The following CCSER2 variants were observed in gnomAD, a reference collection of about 807,000 sequenced individuals.
CCSER2 encodes coiled-coil serine rich protein 2, also known as serine-rich coiled-coil domain-containing protein 2.
CCSER2 carries 46 observed loss-of-function variants against 92.3 expected under a neutral mutation model. That is an observed-to-expected ratio of 0.50 (90% CI 0.39 to 0.64). CCSER2 has a LOEUF of 0.64. Among genes scored for constraint, CCSER2 ranks in the 30% least tolerant of loss-of-function variants. The pLI, the probability that CCSER2 is intolerant of heterozygous loss-of-function variation, is 0.00. For synonymous variants in CCSER2, 433 were observed against 431.4 expected (o/e 1.00, Z -0.04); for missense variants, 1,244 against 1,238.9 (o/e 1.00, Z -0.06).
In CCSER2 at chr10:84,483,175, C is replaced by T. The variant is rs59281215; in HGVS notation, c.2325+5511C>T. On this transcript the variant is annotated intron_variant, in intron 9 of 9. Transcript: ENST00000372088. ...TGGGAGGCTGAGGCGGGTGGATCAC[C>T]GGAGGCTGGGAGTTTGAGACCAGCC... 8.0e-4 allele frequency among the ~76,000 whole-genome samples: 121 copies of T among 151,938 alleles called. 1 individual carries two copies. The highest frequency in any genetic ancestry group is 2.8e-3 in the African/African-American group (116 of 41,458).
At chr10:84,387,081 T>TA (rs1841254217) in intron 3 of CCSER2, among the ~76,000 whole-genome samples, 1 of 151,582 alleles carries the variant, frequency 6.6e-6, no homozygotes, top group Non-Finnish European at 1.5e-5. Context: ...GAATCTAAAA[T>TA]CAAAAAAAAA....
chr10:84,486,764 T>A (rs1034742890), intron 9 of CCSER2, among the ~76,000 whole-genome samples: 15 of 152,174 alleles, frequency 9.9e-5, no homozygotes, highest in African/African-American at 3.1e-4. Context: ...CCCATTTGTC[T>A]ATTTTAGCTT....
rs1473971632 is a variant in CCSER2 at position 84,485,760 on chromosome 10, ATTAT to A, written c.2325+8100_2325+8103del. On this transcript the variant is annotated intron_variant, in intron 9 of 9. Transcript: ENST00000372088. ...ACTACATGCTTTTTTAATTATTATT[ATTAT>A]TTAAGTTCTAGGATACATGTGCACA... Among the ~76,000 whole-genome samples, 5 of 152,234 alleles carry A rather than the reference ATTAT, an allele frequency of 3.3e-5. No individual in the cohort carries two copies. In the East Asian group the frequency reaches 7.7e-4, roughly 24 times the overall value.
In CCSER2 at chr10:84,443,470, G is replaced by A. The variant is rs943127942; in HGVS notation, c.2064+4763G>A. ...ACCATCTCATGCCAGTTAAAATGGCGATCATTAAAAGTCAGGAGACAACAG... is the reference window on the plus strand; with the variant it reads ...ACCATCTCATGCCAGTTAAAATGGCAATCATTAAAAGTCAGGAGACAACAG... On this transcript the variant is annotated intron_variant, in intron 6 of 9. Coordinates refer to ENST00000372088, the MANE Select transcript of CCSER2 (RefSeq NM_001284240.2). Among the ~76,000 whole-genome samples the A allele has an allele frequency of 4.6e-5, 7 of 152,256 alleles. 1 individual carries two copies. In the South Asian group the frequency reaches 8.3e-4, roughly 18 times the overall value.
chr10:84,465,175 G>GA (rs34331655), intron 7 of CCSER2, among the ~76,000 whole-genome samples: 196 of 139,984 alleles, frequency 1.4e-3, no homozygotes, highest in Non-Finnish European at 2.2e-3. Context: ...TCCCAGTTTA[G>GA]AAAAAAAAAA....
chr10:84,404,672 AAAC>A (rs1284906671), intron 3 of CCSER2, among the ~76,000 whole-genome samples: 1 of 152,228 alleles, frequency 6.6e-6, no homozygotes, highest in African/African-American at 2.4e-5. Context: ...GACTTAAAAA[AAAC>A]AAGATTCCTA....
At chr10:84,493,641 G>A (rs1354199700) in intron 9 of CCSER2, among the ~76,000 whole-genome samples, 1 of 152,036 alleles carries the variant, frequency 6.6e-6, no homozygotes, top group Non-Finnish European at 1.5e-5. Context: ...AAAACTTTAG[G>A]TTTCTCTTCC....
chr10:84,438,293 C>T (rs1844311484), intron 5 of CCSER2, among the ~76,000 whole-genome samples: 1 of 152,098 alleles, frequency 6.6e-6, no homozygotes, highest in South Asian at 2.1e-4. Flanking sequence ...ATGTAAAATA[C>T]ACAAAAGATG....
At chr10:84,395,662 C>G (rs970748391) in intron 3 of CCSER2, among the ~76,000 whole-genome samples, 6 of 152,084 alleles carry the variant, frequency 3.9e-5, no homozygotes, top group African/African-American at 1.4e-4. Context: ...CATGGAGACA[C>G]AGATAGGAAA....
intron 9 of CCSER2, among the ~76,000 whole-genome samples, chr10:84,506,560 A>G (rs549237489): frequency 3.3e-5 from 5 of 151,986 alleles, no homozygotes; most frequent in African/African-American, 9.7e-5. Context: ...TTGGGAGGCC[A>G]AGGTGGGTGG....
intron 4 of CCSER2, among the ~76,000 whole-genome samples, chr10:84,419,378 G>T (rs1466163048): frequency 9.5e-6 from 1 of 105,712 alleles, no homozygotes; most frequent in Non-Finnish European, 2.1e-5. Context: ...ATAAAATAAA[G>T]AAAAACACCC....
intron 1 of CCSER2, among the ~76,000 whole-genome samples, chr10:84,346,155 C>T (rs953020723): frequency 6.6e-6 from 1 of 152,188 alleles, no homozygotes. Flanking sequence ...ACCTCTGCCT[C>T]CCGGGTTCAA....
At chr10:84,493,160 T>G (rs1290147041) in intron 9 of CCSER2, among the ~76,000 whole-genome samples, 2 of 152,224 alleles carry the variant, frequency 1.3e-5, no homozygotes, top group Non-Finnish European at 2.9e-5. Flanking sequence ...CCTATTCAAA[T>G]GACTTCTTTC....
chr10:84,494,315 G>A (rs1848329461), intron 9 of CCSER2, among the ~76,000 whole-genome samples: 1 of 152,202 alleles, frequency 6.6e-6, no homozygotes, highest in Non-Finnish European at 1.5e-5. Context: ...CATATAATGA[G>A]CAGTAAGGAT....
chr10:84,398,204 C>T (rs1439132280), intron 3 of CCSER2, among the ~76,000 whole-genome samples: 1 of 152,162 alleles, frequency 6.6e-6, no homozygotes, highest in Non-Finnish European at 1.5e-5. Flanking sequence ...GACTTCCTTC[C>T]TCTGTCTTCA....
chr10:84,489,176 A>C (rs181172826), intron 9 of CCSER2, among the ~76,000 whole-genome samples: 1 of 152,210 alleles, frequency 6.6e-6, no homozygotes, highest in East Asian at 1.9e-4. Flanking sequence ...TCAATTTTGG[A>C]ATAAGTGTGA....
chr10:84,438,355 G>C (rs1589665680), intron 5 of CCSER2, among the ~76,000 whole-genome samples, 157 bp from the exon 6 acceptor site: 1 of 152,234 alleles, frequency 6.6e-6, no homozygotes, highest in South Asian at 2.1e-4. Flanking sequence ...TGCGCCTTTT[G>C]TGGAAACACA....
intron 7 of CCSER2, among the ~76,000 whole-genome samples, chr10:84,466,687 G>C (rs916091100): frequency 7.3e-6 from 1 of 136,954 alleles, no homozygotes; most frequent in Non-Finnish European, 1.6e-5. Context: ...TTTTTTTTTT[G>C]TATTTTTAGT....
chr10:84,492,054 C>T (rs776730097), intron 9 of CCSER2, among the ~76,000 whole-genome samples: 2 of 152,032 alleles, frequency 1.3e-5, no homozygotes, highest in African/African-American at 2.4e-5. Context: ...CTGAAGTGGG[C>T]GGATCACGAG....
Sources: gnomAD v4.1 joint callset for allele counts (sites outside exome capture counted in the v4.1 genomes callset) on GRCh38, gnomAD v4.1.1 for gene constraint, MANE v1.5 for transcripts, NCBI Gene and HGNC (gene_info 2026-07-23, HGNC 2026-07-21) for gene names.